Variants in MTRF1 observed in about 807,000 individuals in gnomAD.
MTRF1 encodes peptide chain release factor 1, mitochondrial.
A neutral mutation model predicts 62.9 loss-of-function variants in MTRF1; 51 were observed. That is an observed-to-expected ratio of 0.81 (90% CI 0.65 to 1.02). The LOEUF is 1.02. Ranked by LOEUF, MTRF1 falls within the 50% of genes least tolerant of loss-of-function variation. The pLI is 0.00. For synonymous variants in MTRF1, 158 were observed against 181.9 expected (o/e 0.87, Z 1.06); for missense variants, 446 against 530.0 (o/e 0.84, Z 1.56).
chr13:41,217,138 C>T lies in MTRF1; in HGVS notation c.1315G>A (p.Glu439Lys), dbSNP rs140410795. The T allele has an allele frequency of 7.3e-4, 1,172 of 1,604,750 alleles. 14 individuals carry two copies. In the African/African-American group the frequency reaches 0.014, roughly 19 times the overall value. ...ATTTATTTTGCTGATTTAAGGTGTTCATCCAAAAGTTCAGCAATGGCTTCT... is the reference window on the plus strand; with the variant it reads ...ATTTATTTTGCTGATTTAAGGTGTTTATCCAAAAGTTCAGCAATGGCTTCT... ...DEEAIAELLD[E>K]HLKSAK Residue 439 changes from glutamate (E) to lysine (K), a missense_variant, in exon 10 of 10, where the codon GAA (glutamate) becomes AAA (lysine). Coordinates refer to ENST00000379480, the MANE Select transcript of MTRF1 (RefSeq NM_004294.4).
chr13:41,250,133 C>T (rs1419367023), intron 5 of MTRF1, among the ~76,000 whole-genome samples: 1 of 152,142 alleles, frequency 6.6e-6, no homozygotes, highest in African/African-American at 2.4e-5. Flanking sequence ...TTGAAAGTCT[C>T]ATTCGAAATA....
At chr13:41,238,494 G>T (rs1465491736) in intron 6 of MTRF1, among the ~76,000 whole-genome samples, 1 of 152,138 alleles carries the variant, frequency 6.6e-6, no homozygotes, top group Admixed American at 6.6e-5. Context: ...GAGGTGAGAA[G>T]GTAGTAGGGA....
intron 6 of MTRF1, 146 bp from the exon 7 acceptor site, chr13:41,234,153 A>G: frequency 1.5e-6 from 1 of 668,810 alleles, no homozygotes; most frequent in Non-Finnish European, 2.6e-6. Context: ...AAGAAAGAGC[A>G]ATAAACTCCC....
chr13:41,265,023 A>G (rs2061535185), upstream of MTRF1, among the ~76,000 whole-genome samples: 1 of 152,228 alleles, frequency 6.6e-6, no homozygotes. Context: ...GGGTCTACAT[A>G]AAGTCATTCT....
At chr13:41,289,085 GGTGAAAAAGCTCGATGA>G in the MTRF1 span, among the ~76,000 whole-genome samples, 2 of 151,976 alleles carry the variant, frequency 1.3e-5, no homozygotes, top group African/African-American at 4.8e-5. Flanking sequence ...AAATTGGAAA[GGTGAAAAAGCTCGATGA>G]GTGAGTGCCT....
chr13:41,278,420 C>CG, the MTRF1 span, among the ~76,000 whole-genome samples: 1 of 152,058 alleles, frequency 6.6e-6, no homozygotes, highest in Non-Finnish European at 1.5e-5. Context: ...TTTAAATACC[C>CG]CCTAGGATTC....
At chr13:41,311,477 C>A in the MTRF1 span, 1 of 1,543,372 alleles carries the variant, frequency 6.5e-7, no homozygotes. Flanking sequence ...CGAAGCGGAG[C>A]GCCCGGGCAC....
At chr13:41,269,690 A>G in the MTRF1 span, among the ~76,000 whole-genome samples, 1 of 152,084 alleles carries the variant, frequency 6.6e-6, no homozygotes. Context: ...GAGTTTTTCT[A>G]CATTTATCCC....
the MTRF1 span, among the ~76,000 whole-genome samples, chr13:41,301,914 G>T: frequency 6.6e-6 from 1 of 152,178 alleles, no homozygotes; most frequent in Non-Finnish European, 1.5e-5. Context: ...CTCTTCTCTG[G>T]TGGTTGATCT....
rs144824033 is a variant in MTRF1, at chr13:41,252,646, A to G, written c.696T>C (p.Tyr232=). 1.5e-4 allele frequency: 237 copies of G among 1,608,098 alleles called. No homozygotes were observed. The African/African-American group carries it at 3.0e-3, about 20-fold the overall frequency. Residue 232 remains tyrosine, a splice_region_variant and synonymous_variant, in exon 5 of 10, where the codon TAT becomes TAC. Transcript: ENST00000379480. ...FELLNYTPAD[Y]GGLHHAAARI... is the part of the protein sequence containing the mutation. ...AGGCAAATTCCTCAATATGCCTACC[A>G]TAATCTGCTGGTGTATAATTCAGAA...
the MTRF1 span, among the ~76,000 whole-genome samples, chr13:41,273,918 C>G: frequency 6.6e-6 from 1 of 152,138 alleles, no homozygotes; most frequent in African/African-American, 2.4e-5. Context: ...TGGGACAACT[C>G]CAAGCTGGGA....
At chr13:41,222,322 T>A (rs949062485) in intron 9 of MTRF1, among the ~76,000 whole-genome samples, 5 of 152,170 alleles carry the variant, frequency 3.3e-5, no homozygotes, top group Non-Finnish European at 7.3e-5. Flanking sequence ...TTTAGATAGG[T>A]TAATGTTCAA....
the MTRF1 span, among the ~76,000 whole-genome samples, chr13:41,297,510 T>G: frequency 2.6e-5 from 4 of 152,016 alleles, no homozygotes; most frequent in African/African-American, 7.2e-5. Flanking sequence ...AGTCAGGTTC[T>G]CTCCCACAAT....
At chr13:41,275,052 GA>G in the MTRF1 span, among the ~76,000 whole-genome samples, 9 of 152,128 alleles carry the variant, frequency 5.9e-5, no homozygotes, top group South Asian at 2.1e-4. Flanking sequence ...TCAAATCCTA[GA>G]AAACCTAGCA....
At chr13:41,274,109 C>T in the MTRF1 span, among the ~76,000 whole-genome samples, 1 of 152,168 alleles carries the variant, frequency 6.6e-6, no homozygotes, top group African/African-American at 2.4e-5. Flanking sequence ...TTCCCTTTAG[C>T]TTAGTGATTT....
At position 41,218,281 on chromosome 13, in the gene MTRF1, A is replaced by ATTTTTTTTT. The variant is rs199717534; in HGVS notation, c.1225-1062_1225-1054dup. Among the ~76,000 whole-genome samples the ATTTTTTTTT allele has an allele frequency of 1.4e-4, 17 of 117,886 alleles. 1 individual carries two copies. Among genetic ancestry groups the ATTTTTTTTT allele is most frequent in the African/African-American group, 5.4e-4 (17 of 31,572 alleles). 77.3% of individuals were successfully genotyped at this position (117,886 alleles called of 152,430 possible). A position where few individuals can be genotyped will look rare whatever the true frequency, so the allele number is the denominator to read the frequency against. On this transcript the variant is annotated intron_variant, in intron 9 of 9. Transcript: ENST00000379480. ...CAGGCACATGCTACACACCCAGCTA[A>ATTTTTTTTT]TTTTTTTTTTTTTTTTTTTTTTTTT...
intron 8 of MTRF1, among the ~76,000 whole-genome samples, 184 bp from the exon 9 acceptor site, chr13:41,223,538 G>A (rs2033822504): frequency 6.6e-6 from 1 of 152,128 alleles, no homozygotes; most frequent in Non-Finnish European, 1.5e-5. Context: ...GTAGAGCTCG[G>A]TTATAGAATA....
At chr13:41,271,609 T>G in the MTRF1 span, among the ~76,000 whole-genome samples, 1 of 152,056 alleles carries the variant, frequency 6.6e-6, no homozygotes, top group African/African-American at 2.4e-5. Flanking sequence ...TTAAAACACC[T>G]GGTGATCAGC....
the MTRF1 span, among the ~76,000 whole-genome samples, chr13:41,307,643 C>T: frequency 6.6e-6 from 1 of 152,094 alleles, no homozygotes; most frequent in South Asian, 2.1e-4. Context: ...GTAGCACCTC[C>T]TCTTTCACTC....
Sources: gnomAD v4.1 joint callset for allele counts (sites outside exome capture counted in the v4.1 genomes callset) on GRCh38, gnomAD v4.1.1 for gene constraint, MANE v1.5 for transcripts, NCBI Gene and HGNC (gene_info 2026-07-23, HGNC 2026-07-21) for gene names.